Variants in HTRA1 observed in about 807,000 individuals in gnomAD.
The protein encoded by HTRA1 is serine protease HTRA1.
HTRA1 carries 26 observed loss-of-function variants against 49.7 expected under a neutral mutation model. That is an observed-to-expected ratio of 0.52 (90% CI 0.38 to 0.73). The LOEUF (loss-of-function observed/expected upper bound fraction) is 0.73. HTRA1 is among the 30% of genes least tolerant of loss of function. The pLI, the probability that HTRA1 is intolerant of heterozygous loss-of-function variation, is 0.00. For synonymous variants in HTRA1, 291 were observed against 286.9 expected (o/e 1.01, Z -0.14); for missense variants, 561 against 667.2 (o/e 0.84, Z 1.75).
intron 3 of HTRA1, among the ~76,000 whole-genome samples, chr10:122,501,980 T>G (rs1353448498): frequency 1.4e-5 from 2 of 141,906 alleles, no homozygotes; most frequent in Non-Finnish European, 3.0e-5. Context: ...TTTTTTTTTT[T>G]TTTTTTTTTT....
intron 1 of HTRA1, among the ~76,000 whole-genome samples, chr10:122,470,372 G>C (rs2097485606): frequency 6.6e-6 from 1 of 152,206 alleles, no homozygotes; most frequent in African/African-American, 2.4e-5. Flanking sequence ...GTGGCATAAG[G>C]GGTATGGAGG....
At chr10:122,465,564 C>T (rs537765620) in intron 1 of HTRA1, among the ~76,000 whole-genome samples, 1 of 152,256 alleles carries the variant, frequency 6.6e-6, no homozygotes, top group African/African-American at 2.4e-5. Context: ...AGATTTTAAA[C>T]CAACCCCAGC....
intron 3 of HTRA1, among the ~76,000 whole-genome samples, chr10:122,504,698 C>T (rs1197307372): frequency 1.3e-5 from 2 of 152,250 alleles, no homozygotes; most frequent in East Asian, 1.9e-4. Flanking sequence ...CCCAGCCCTG[C>T]CTCCTGCCCC....
chr10:122,507,428 G>A, intron 5 of HTRA1, 26 bp downstream of exon 5: 1 of 1,578,096 alleles, frequency 6.3e-7, no homozygotes, highest in South Asian at 1.1e-5. Context: ...CCTATGTTAG[G>A]TCATTTGTTT....
chr10:122,470,004 C>G (rs1419748746), intron 1 of HTRA1, among the ~76,000 whole-genome samples: 2 of 152,038 alleles, frequency 1.3e-5, no homozygotes, highest in African/African-American at 4.8e-5. Flanking sequence ...TGTGGTCTGT[C>G]TTGGTGAGTG....
At chr10:122,505,570 C>G (rs1365044073) in intron 3 of HTRA1, among the ~76,000 whole-genome samples, 1 of 152,224 alleles carries the variant, frequency 6.6e-6, no homozygotes, top group Non-Finnish European at 1.5e-5. Flanking sequence ...CCCACCTCAT[C>G]AGCTAGTGTC....
In HTRA1 at chr10:122,489,620, C is replaced by T. The variant is rs1258560146; in HGVS notation, c.771C>T (p.Asp257=). ...EKADIALIKI[D]HQGKLPVLLL... ...CAGACATCGCACTCATCAAAATTGA[C>T]CACCAGGTAAGGGTGTTCTCGCCTG... Residue 257 remains aspartate (D), a synonymous_variant, in exon 3 of 9, where the codon GAC becomes GAT. Coordinates refer to ENST00000368984, the MANE Select transcript of HTRA1 (RefSeq NM_002775.5). The T allele has an allele frequency of 6.2e-7, 1 of 1,613,382 alleles. No individual in the cohort carries two copies. Among genetic ancestry groups the T allele is most frequent in the Admixed American group, 1.7e-5 (1 of 59,996 alleles).
At chr10:122,497,506 G>A (rs1036485679) in intron 3 of HTRA1, among the ~76,000 whole-genome samples, 2 of 152,186 alleles carry the variant, frequency 1.3e-5, no homozygotes, top group Non-Finnish European at 2.9e-5. Context: ...ATGCTGAAAG[G>A]CTGCTGTGTG....
intron 3 of HTRA1, among the ~76,000 whole-genome samples, chr10:122,498,814 G>T (rs2672606): frequency 0.82 from 125,144 of 151,818 alleles, 52,053 homozygotes; most frequent in Non-Finnish European, 0.89. Flanking sequence ...TGTGAATAAA[G>T]CCCTATGAGC....
chr10:122,465,123 G>A (rs1309667965), intron 1 of HTRA1, among the ~76,000 whole-genome samples: 1 of 152,130 alleles, frequency 6.6e-6, no homozygotes, highest in South Asian at 2.1e-4. Context: ...ACTTTCATCT[G>A]TAAGCTGTTT....
At chr10:122,486,258 C>T (rs1026880492) in intron 1 of HTRA1, among the ~76,000 whole-genome samples, 3 of 152,028 alleles carry the variant, frequency 2.0e-5, no homozygotes, top group Admixed American at 6.6e-5. Context: ...GGGAAGGATA[C>T]CTGATTTTCC....
At chr10:122,512,111 T>C in intron 8 of HTRA1, 46 bp downstream of exon 8, 3 of 1,348,748 alleles carry the variant, frequency 2.2e-6, no homozygotes, top group Non-Finnish European at 3.2e-6. Context: ...TTGTTGTTCC[T>C]GTGGGGGTAG....
chr10:122,497,957 T>C (rs2097499433), intron 3 of HTRA1, among the ~76,000 whole-genome samples: 2 of 152,206 alleles, frequency 1.3e-5, no homozygotes, highest in Non-Finnish European at 2.9e-5. Context: ...CCCGAATATA[T>C]ACAGTCATTA....
chr10:122,479,727 C>T (rs558990369), intron 1 of HTRA1, among the ~76,000 whole-genome samples: 1 of 151,454 alleles, frequency 6.6e-6, no homozygotes, highest in East Asian at 2.0e-4. Context: ...ATTAAGGAGT[C>T]GTGGGGAGAG....
chr10:122,498,721 G>A (rs2133444064), intron 3 of HTRA1, among the ~76,000 whole-genome samples: 1 of 152,380 alleles, frequency 6.6e-6, no homozygotes, highest in Middle Eastern at 3.4e-3. Flanking sequence ...GGAACAGCCA[G>A]CTGCATGAGC....
rs1169130967 is a variant in HTRA1, at chr10:122,506,823, G to A, written c.910G>A (p.Gly304Ser). The change falls in exon 4 of 9, where the codon GGC becomes AGC. Residue 304 changes from glycine to serine, a missense_variant. Physicochemically the swap from Gly to Ser is moderately conservative, Grantham distance 56. Around this residue, in one of 3 missense-constraint regions of HTRA1, gnomAD observed 271 missense variants for 410.0 expected, o/e 0.66. Coordinates refer to ENST00000368984, the MANE Select transcript of HTRA1 (RefSeq NM_002775.5). The surrounding 1 kb of genome is among the most constrained non-coding windows in gnomAD (Gnocchi z 5.2). Reference sequence around the variant, plus strand: ...GATCGTGAGCACCACCCAGCGAGGCGGCAAAGAGCTGGGGCTCCGCAACTC... The same window carrying A: ...GATCGTGAGCACCACCCAGCGAGGCAGCAAAGAGCTGGGGCTCCGCAACTC... ...TGIVSTTQRG[G>S]KELGLRNSDM... 10 of 1,613,748 alleles carry A rather than the reference G, an allele frequency of 6.2e-6. No individual in the cohort carries two copies. Among genetic ancestry groups the A allele is most frequent in the African/African-American group, 5.3e-5 (4 of 74,878 alleles).
intron 3 of HTRA1, among the ~76,000 whole-genome samples, chr10:122,500,684 G>A (rs1012810950): frequency 1.3e-5 from 2 of 152,138 alleles, no homozygotes; most frequent in African/African-American, 4.8e-5. Context: ...CCCCACCTTG[G>A]TTGATCTTGG....
chr10:122,509,278 A>G (rs901901270), intron 6 of HTRA1, among the ~76,000 whole-genome samples: 1 of 152,198 alleles, frequency 6.6e-6, no homozygotes, highest in Non-Finnish European at 1.5e-5. Flanking sequence ...ACAGTAAATA[A>G]TCAAACACAT....
chr10:122,486,937 T>C (rs747366655), intron 1 of HTRA1, among the ~76,000 whole-genome samples: 2 of 151,938 alleles, frequency 1.3e-5, no homozygotes, highest in Non-Finnish European at 2.9e-5. Flanking sequence ...TGTGTATGCA[T>C]AGTGTGTATG....
Sources: gnomAD v4.1 joint callset for allele counts (sites outside exome capture counted in the v4.1 genomes callset) on GRCh38, gnomAD v4.1.1 for gene constraint, gnomAD v4.1.1 regional missense constraint, Gnocchi (gnomAD v3.1) non-coding constraint, MANE v1.5 for transcripts, NCBI Gene and HGNC (gene_info 2026-07-23, HGNC 2026-07-21) for gene names.